PSTK: variants seen among roughly 807,000 people sequenced by gnomAD.
PSTK encodes the protein phosphoseryl-tRNA kinase.
PSTK carries 26 observed loss-of-function variants against 38.6 expected under a neutral mutation model. The observed-to-expected ratio is 0.67, with a 90% confidence interval of 0.49 to 0.94. The LOEUF (loss-of-function observed/expected upper bound fraction) is 0.94. Ranked by LOEUF, PSTK falls within the 40% of genes least tolerant of loss-of-function variation. The probability of loss-of-function intolerance (pLI) is 0.00; values close to 1 mark genes in which losing one functional copy is unlikely to be tolerated. For missense variants in PSTK, 445 were observed against 436.3 expected, an observed-to-expected ratio of 1.02 and a Z score of -0.18; for synonymous variants, 181 against 161.7, an observed-to-expected ratio of 1.12 and a Z score of -0.91.
chr10:122,985,513 G>T (rs1002026248), intron 3 of PSTK: 1 of 152,174 alleles, frequency 6.6e-6, no homozygotes, highest in African/African-American at 2.4e-5. Flanking sequence ...CATATAAGAC[G>T]TTCAATACAT....
In PSTK at chr10:122,983,254, A is replaced by AT; in HGVS notation, c.509-14dup. ...AAAAGAGTATACCAGTAATTCTATCATTTTAAACTGTTTTCAGATTCGTTG... is the reference window on the plus strand; with the variant it reads ...AAAAGAGTATACCAGTAATTCTATCATTTTTAAACTGTTTTCAGATTCGTTG... On this transcript the variant is annotated splice_polypyrimidine_tract_variant and intron_variant, in intron 2 of 5. Transcript: ENST00000406217. The AT allele has an allele frequency of 6.3e-7, 1 of 1,583,864 alleles. No individual in the cohort carries two copies. The highest frequency in any genetic ancestry group is 8.6e-7 in the Non-Finnish European group (1 of 1,163,374).
chr10:122,986,621 T>C (rs982280772), intron 4 of PSTK, among the ~76,000 whole-genome samples: 2 of 152,198 alleles, frequency 1.3e-5, no homozygotes, highest in Non-Finnish European at 2.9e-5. Flanking sequence ...TGGCAAACAC[T>C]ACAGATAGGT....
At chr10:122,990,005 ATT>A (rs1849107398) in intron 5 of PSTK, among the ~76,000 whole-genome samples, 167 bp from the exon 6 acceptor site, 1 of 152,176 alleles carries the variant, frequency 6.6e-6, no homozygotes, top group Non-Finnish European at 1.5e-5. Flanking sequence ...GTTTCAGATG[ATT>A]TTTGAGTATC....
chr10:122,980,838 T>C lies in PSTK; in HGVS notation c.216+143T>C. 1 of 1,291,600 alleles carries C rather than the reference T, an allele frequency of 7.7e-7. No homozygotes were observed. Among genetic ancestry groups the C allele is most frequent in the Non-Finnish European group, 9.8e-7 (1 of 1,025,230 alleles). 80.0% of individuals were successfully genotyped at this position (1,291,600 alleles called of 1,614,324 possible). Reference sequence around the variant, plus strand: ...TGTGGGAGGTGAAGTTCGAGAAAAGTGGAGCTGGGTTAACATAGTTACTGC... The same window carrying C: ...TGTGGGAGGTGAAGTTCGAGAAAAGCGGAGCTGGGTTAACATAGTTACTGC... On this transcript the variant is annotated intron_variant, in intron 1 of 5. Transcript: ENST00000406217. The surrounding 1 kb of genome is among the most constrained non-coding windows in gnomAD (Gnocchi z 4.3).
At chr10:122,987,654 C>T in intron 5 of PSTK, 1 of 1,246,024 alleles carries the variant, frequency 8.0e-7, no homozygotes. Context: ...GTTTTGAATA[C>T]TGTATTGCTA....
At chr10:122,982,666 C>A in intron 1 of PSTK, 67 bp from the exon 2 acceptor site, 1 of 1,355,120 alleles carries the variant, frequency 7.4e-7, no homozygotes, top group Non-Finnish European at 1.0e-6. Flanking sequence ...GGCAGGGTGG[C>A]AGTGAGGCCA....
At position 122,990,193 on chromosome 10, in the gene PSTK, C is replaced by T; in HGVS notation, c.897C>T (p.His299=). The T allele has an allele frequency of 6.6e-7, 1 of 1,520,650 alleles. No individual in the cohort carries two copies. Among genetic ancestry groups the T allele is most frequent in the Non-Finnish European group, 8.8e-7 (1 of 1,138,526 alleles). 94.2% of individuals were successfully genotyped at this position (1,520,650 alleles called of 1,614,324 possible). A position where few individuals can be genotyped will look rare whatever the true frequency, so the allele number is the denominator to read the frequency against. The change falls in exon 6 of 6, where the codon CAC becomes CAT. Residue 299 remains histidine, a synonymous_variant. Coordinates refer to ENST00000406217, the MANE Select transcript of PSTK (RefSeq NM_001363531.2). ...TTTTAGATGAACAAGTGCTTCCTCA[C>T]AACTTGAAGCTTCTAGCAGAAGAAC... is the stretch of plus-strand genomic sequence containing the variant. ...KEAKDEQVLP[H]NLKLLAEELN...
rs769138924 is a variant in PSTK at position 122,983,239 on chromosome 10, A to C, written c.509-33A>C. On this transcript the variant is annotated intron_variant, in intron 2 of 5. Coordinates refer to ENST00000406217, the MANE Select transcript of PSTK (RefSeq NM_001363531.2). ...ATTTCATATTTTGGAAAAAGAGTAT[A>C]CCAGTAATTCTATCATTTTAAACTG... The C allele has an allele frequency of 2.6e-6, 4 of 1,532,068 alleles. No individual in the cohort carries two copies. In the Admixed American group the frequency reaches 7.9e-5, roughly 30 times the overall value. 94.9% of individuals were successfully genotyped at this position (1,532,068 alleles called of 1,614,324 possible).
intron 5 of PSTK, 128 bp from the exon 6 acceptor site, chr10:122,990,046 A>C (rs1564732484): frequency 2.1e-5 from 13 of 613,462 alleles, no homozygotes; most frequent in Non-Finnish European, 3.3e-5. Context: ...TATATATTAC[A>C]CTAACTCAAT....
chr10:122,983,432 C>T lies in PSTK; in HGVS notation c.669C>T (p.Ser223=), dbSNP rs147856637. The T allele has an allele frequency of 1.2e-6, 2 of 1,613,842 alleles. No homozygotes were observed. Among genetic ancestry groups the T allele is most frequent in the East Asian group, 2.2e-5 (1 of 44,878 alleles). The change falls in exon 3 of 6, where the codon AGC becomes AGT. Residue 223 remains serine (S), a synonymous_variant. Transcript: ENST00000406217. ...NPEKNAWEHN[S]LTIPSPACAS... Reference sequence around the variant, plus strand: ...AGAAAAATGCTTGGGAACACAACAGCCTCACAATTCCGAGTCCAGCATGTG... The same window carrying T: ...AGAAAAATGCTTGGGAACACAACAGTCTCACAATTCCGAGTCCAGCATGTG...
intron 5 of PSTK, among the ~76,000 whole-genome samples, chr10:122,989,204 G>A (rs1849083334): frequency 9.2e-6 from 1 of 108,886 alleles, no homozygotes; most frequent in African/African-American, 3.4e-5. Context: ...GGCGGGGTGG[G>A]CAGAAGGGAA....
Position 122,990,243 on chromosome 10 carries a change from T to C in PSTK, c.947T>C (p.Leu316Ser), listed in dbSNP as rs1333752062. ...EELNKLKAEFLEDLKQGNKKY... is the reference protein window; with the variant it reads ...EELNKLKAEFSEDLKQGNKKY... ...CTTAACAAGCTCAAAGCAGAGTTTT[T>C]GGAAGACCTAAAACAAGGAAACAAA... is the stretch of plus-strand genomic sequence containing the variant. Residue 316 changes from leucine to serine, a missense_variant, in exon 6 of 6, where the codon TTG becomes TCG. Physicochemically the swap from Leu to Ser is moderately radical, Grantham distance 145 (BLOSUM62 -2). Transcript: ENST00000406217. The C allele has an allele frequency of 1.3e-6, 2 of 1,543,086 alleles. No individual in the cohort carries two copies. The highest frequency in any genetic ancestry group is 2.5e-5 in the East Asian group (1 of 40,676).
At chr10:122,988,802 A>C (rs1564732012) in intron 5 of PSTK, among the ~76,000 whole-genome samples, 1 of 152,336 alleles carries the variant, frequency 6.6e-6, no homozygotes, top group East Asian at 1.9e-4. Flanking sequence ...GCAGTCCCTC[A>C]AACATACCGT....
At position 122,980,722 on chromosome 10, in the gene PSTK, CCGCGG is replaced by C. The variant is rs1848946098; in HGVS notation, c.216+28_216+32del. On this transcript the variant is annotated intron_variant, in intron 1 of 5. Coordinates refer to ENST00000406217, the MANE Select transcript of PSTK (RefSeq NM_001363531.2). This position sits in a 1 kb window ranked among gnomAD's most constrained non-coding sequence, Gnocchi z 4.3. Reference sequence around the variant, plus strand: ...TCAGCACGGAGGGGCGGGGCCTGGGCCGCGGGGCGGGGCGGGGCGGGGCGGGGCGG... The same window carrying C: ...TCAGCACGGAGGGGCGGGGCCTGGGCGGCGGGGCGGGGCGGGGCGGGGCGG... The C allele has an allele frequency of 2.2e-6, 1 of 459,314 alleles. No individual in the cohort carries two copies. The highest frequency in any genetic ancestry group is 2.0e-4 in the East Asian group (1 of 5,100). 28.5% of individuals were successfully genotyped at this position (459,314 alleles called of 1,614,324 possible). A position where few individuals can be genotyped will look rare whatever the true frequency, so the allele number is the denominator to read the frequency against.
At chr10:122,986,465 C>T (rs1015592915) in intron 4 of PSTK, 90 bp downstream of exon 4, 13 of 920,652 alleles carry the variant, frequency 1.4e-5, no homozygotes, top group African/African-American at 3.3e-5. Flanking sequence ...GTGAGTGAAA[C>T]GGGAGATGCG....
At position 122,983,008 on chromosome 10, in the gene PSTK, C is replaced by T. The variant is rs1357816035; in HGVS notation, c.492C>T (p.Tyr164=). The T allele has an allele frequency of 1.2e-6, 2 of 1,607,554 alleles. No homozygotes were observed. Among genetic ancestry groups the T allele is most frequent in the African/African-American group, 1.3e-5 (1 of 74,500 alleles). The change falls in exon 2 of 6, where the codon TAC becomes TAT. Residue 164 remains tyrosine, a synonymous_variant. Transcript: ENST00000406217. The stretch of plus-strand genomic sequence containing the variant: ...ATCAGAGTATGAGATATGAAGTCTA[C>T]CAGCTGGCTCGGAAATGTAATTAAA... ...FYYQSMRYEV[Y]QLARKYSLGF...
chr10:122,987,460 T>G, intron 5 of PSTK: 1 of 1,614,158 alleles, frequency 6.2e-7, no homozygotes, highest in South Asian at 1.1e-5. Flanking sequence ...GTTGGCTGGT[T>G]GCAGTGTTGC....
chr10:122,986,137 C>G (rs1033566149), intron 3 of PSTK, 163 bp from the exon 4 acceptor site: 1 of 406,866 alleles, frequency 2.5e-6, no homozygotes, highest in Non-Finnish European at 4.3e-6. Context: ...AGGAGAATGG[C>G]GCAAATCCGG....
rs756943415 is a variant in PSTK, at chr10:122,982,943, T to G, written c.427T>G (p.Ser143Ala). The change falls in exon 2 of 6, where the codon TCT becomes GCT. Residue 143 changes from serine (S) to alanine (A), a missense_variant. Physicochemically the swap from Ser to Ala is moderately conservative, Grantham distance 99. Transcript: ENST00000406217. ...SCYLLTKTAV[S>A]RPLFLVLDDN... The stretch of plus-strand genomic sequence containing the variant: ...CTACCTCTTAACAAAAACTGCTGTT[T>G]CTAGACCTTTGTTTTTGGTTTTGGA... 6.2e-7 allele frequency: 1 copy of G among 1,614,206 alleles called. No homozygotes were observed. The highest frequency in any genetic ancestry group is 8.5e-7 in the Non-Finnish European group (1 of 1,180,022).
Sources: gnomAD v4.1 joint callset for allele counts (sites outside exome capture counted in the v4.1 genomes callset) on GRCh38, gnomAD v4.1.1 for gene constraint, Gnocchi (gnomAD v3.1) non-coding constraint, MANE v1.5 for transcripts, NCBI Gene and HGNC (gene_info 2026-07-23, HGNC 2026-07-21) for gene names.